SCFD2: variants seen among roughly 807,000 people sequenced by gnomAD.
SCFD2 encodes the protein sec1 family domain containing 2.
A neutral mutation model predicts 58.9 loss-of-function variants in SCFD2; 54 were observed. The ratio of observed to expected loss-of-function variants is 0.92; its 90% confidence interval spans 0.74 to 1.15. The LOEUF (loss-of-function observed/expected upper bound fraction) is 1.15. Among genes scored for constraint, SCFD2 ranks in the 50% most tolerant of loss-of-function variants. The pLI, the probability that SCFD2 is intolerant of heterozygous loss-of-function variation, is 0.00. For synonymous variants in SCFD2, 321 were observed against 335.9 expected, an observed-to-expected ratio of 0.96 and a Z score of 0.49; for missense variants, 805 against 836.6, an observed-to-expected ratio of 0.96 and a Z score of 0.47.
chr4:53,224,798 T>C (rs980909464), intron 4 of SCFD2, among the ~76,000 whole-genome samples: 3 of 152,306 alleles, frequency 2.0e-5, no homozygotes, highest in Middle Eastern at 3.4e-3. Flanking sequence ...ATGATAATAA[T>C]TGTGATGTAT....
intron 4 of SCFD2, among the ~76,000 whole-genome samples, chr4:53,214,230 C>G (rs1433243835): frequency 1.3e-5 from 2 of 152,136 alleles, no homozygotes; most frequent in African/African-American, 4.8e-5. Context: ...GGAATCGCCA[C>G]ACTGACTTCC....
intron 4 of SCFD2, among the ~76,000 whole-genome samples, chr4:53,239,884 C>T (rs774124812): frequency 2.0e-4 from 30 of 152,282 alleles, no homozygotes; most frequent in Admixed American, 7.9e-4. Flanking sequence ...ATCTTCCTAG[C>T]CTAAGATCTC....
intron 4 of SCFD2, among the ~76,000 whole-genome samples, chr4:53,193,911 A>G (rs1011723717): frequency 2.0e-5 from 3 of 152,184 alleles, no homozygotes; most frequent in African/African-American, 7.2e-5. Context: ...GTCTGCGCCT[A>G]CTTCTCAGAG....
intron 4 of SCFD2, among the ~76,000 whole-genome samples, chr4:53,248,703 G>T (rs1323004967): frequency 6.6e-6 from 1 of 152,150 alleles, no homozygotes; most frequent in Non-Finnish European, 1.5e-5. Context: ...AGGGTCTGGA[G>T]TAGACCTCTA....
chr4:53,102,587 T>C (rs1724860725), intron 5 of SCFD2, among the ~76,000 whole-genome samples: 1 of 151,614 alleles, frequency 6.6e-6, no homozygotes. Flanking sequence ...GAATAGAAAA[T>C]ACACAAAAAA....
chr4:53,330,577 C>G (rs1455006802), intron 2 of SCFD2, among the ~76,000 whole-genome samples: 1 of 152,170 alleles, frequency 6.6e-6, no homozygotes, highest in Middle Eastern at 3.4e-3. Context: ...GCCTGCTTTA[C>G]AAGAGCTCCT....
At chr4:52,936,542 T>C (rs138199763) in intron 5 of SCFD2, among the ~76,000 whole-genome samples, 2 of 152,322 alleles carry the variant, frequency 1.3e-5, no homozygotes, top group African/African-American at 4.8e-5. Flanking sequence ...GACTCTAAAA[T>C]ACCTCTTCAC....
At chr4:53,057,066 T>A (rs540781074) in intron 5 of SCFD2, among the ~76,000 whole-genome samples, 2 of 152,210 alleles carry the variant, frequency 1.3e-5, no homozygotes, top group African/African-American at 4.8e-5. Flanking sequence ...AGGTCTGTAA[T>A]CCCAGCTACT....
intron 1 of SCFD2, among the ~76,000 whole-genome samples, chr4:53,359,591 T>C (rs1734495161): frequency 6.6e-6 from 1 of 152,158 alleles, no homozygotes; most frequent in Admixed American, 6.5e-5. Flanking sequence ...CCCTTCTGAT[T>C]TTTAGAAGTT....
chr4:53,114,912 T>C (rs1032332077), intron 5 of SCFD2, among the ~76,000 whole-genome samples: 18 of 152,090 alleles, frequency 1.2e-4, no homozygotes, highest in African/African-American at 4.3e-4. Context: ...TAGTAAAATA[T>C]TGATTGTAAA....
chr4:53,242,661 A>G (rs568214590), intron 4 of SCFD2, among the ~76,000 whole-genome samples: 107 of 152,358 alleles, frequency 7.0e-4, no homozygotes, highest in African/African-American at 2.5e-3. Context: ...TATAATTCAG[A>G]ATATGAATAG....
Position 53,365,044 on chromosome 4 carries a change from C to A in SCFD2, c.838+60G>T. ...AAGGTCAATAAAATATATGCTGAATCAATGAAAGTCCCAGCAATGTGGGGA... is the reference window on the plus strand; with the variant it reads ...AAGGTCAATAAAATATATGCTGAATAAATGAAAGTCCCAGCAATGTGGGGA... On this transcript the variant is annotated intron_variant, in intron 1 of 8. Transcript: ENST00000401642. The surrounding 1 kb of genome is among the most constrained non-coding windows in gnomAD (Gnocchi z 4.3). The A allele has an allele frequency of 6.5e-7, 1 of 1,545,032 alleles. No individual in the cohort carries two copies. Among genetic ancestry groups the A allele is most frequent in the South Asian group, 1.3e-5 (1 of 79,256 alleles).
At chr4:53,150,573 A>G (rs1245002171) in intron 4 of SCFD2, among the ~76,000 whole-genome samples, 1 of 152,248 alleles carries the variant, frequency 6.6e-6, no homozygotes, top group Non-Finnish European at 1.5e-5. Context: ...TAAAGGCAGA[A>G]GATAGAATCT....
chr4:53,064,965 T>G (rs1272674827), intron 5 of SCFD2, among the ~76,000 whole-genome samples: 3 of 152,164 alleles, frequency 2.0e-5, no homozygotes, highest in Non-Finnish European at 4.4e-5. Context: ...TCTTGGGACA[T>G]CTATAGTTTT....
intron 5 of SCFD2, among the ~76,000 whole-genome samples, chr4:53,057,714 G>A (rs1723387224): frequency 6.6e-6 from 1 of 152,038 alleles, no homozygotes. Flanking sequence ...TCAGGAACAG[G>A]GTGCTTGCTT....
At chr4:53,234,583 G>T (rs1417895721) in intron 4 of SCFD2, among the ~76,000 whole-genome samples, 1 of 152,058 alleles carries the variant, frequency 6.6e-6, no homozygotes, top group Non-Finnish European at 1.5e-5. Context: ...TTCTTTATCT[G>T]GGACTTTTTT....
In SCFD2 at chr4:53,212,575, C is replaced by CGTGTGTGTGTGT. The variant is rs72335886; in HGVS notation, c.1311+61239_1311+61250dup. ...AAGAGAGAGAGGAAGAAAGTGAGCA[C>CGTGTGTGTGTGT]GTGTGTGTGTGTGTGTGTGTGTGTG... On this transcript the variant is annotated intron_variant, in intron 4 of 8. Coordinates refer to ENST00000401642, the MANE Select transcript of SCFD2 (RefSeq NM_152540.4). 2.1e-3 allele frequency among the ~76,000 whole-genome samples: 293 copies of CGTGTGTGTGTGT among 142,264 alleles called. 1 individual carries two copies. Among genetic ancestry groups the CGTGTGTGTGTGT allele is most frequent in the South Asian group, 7.3e-3 (31 of 4,242 alleles). 93.3% of individuals were successfully genotyped at this position (142,264 alleles called of 152,430 possible).
chr4:53,059,990 A>AATCTCACATTGAAAAGATTCTTGGGCCAT (rs1723457788), intron 5 of SCFD2, among the ~76,000 whole-genome samples: 2 of 152,112 alleles, frequency 1.3e-5, no homozygotes, highest in Non-Finnish European at 2.9e-5. Context: ...GGAAGAATAG[A>AATCTCACATTGAAAAGATTCTTGGGCCAT]ATCTCACATT....
chr4:52,931,456 T>C (rs754698716), intron 5 of SCFD2, among the ~76,000 whole-genome samples: 2 of 152,170 alleles, frequency 1.3e-5, no homozygotes, highest in Non-Finnish European at 2.9e-5. Context: ...AACATGCCCA[T>C]GAGTTAAGCA....
Sources: allele counts gnomAD v4.1 joint callset (sites outside exome capture counted in the v4.1 genomes callset), GRCh38; gene constraint gnomAD v4.1.1; non-coding constraint Gnocchi (gnomAD v3.1); transcripts MANE v1.5; gene names NCBI Gene and HGNC (gene_info 2026-07-23, HGNC 2026-07-21).